PUM3: variants seen among roughly 807,000 people sequenced by gnomAD.
PUM3 encodes pumilio homolog 3.
Under a neutral mutation model 84.0 loss-of-function variants are expected in PUM3, and 91 were observed. The ratio of observed to expected loss-of-function variants is 1.08; its 90% CI spans 0.91 to 1.29. PUM3 has a LOEUF of 1.29. Among genes scored for constraint, PUM3 ranks in the 50% most tolerant of loss-of-function variants. The pLI, the probability that PUM3 is intolerant of heterozygous loss-of-function variation, is 0.00. For missense variants in PUM3, 1,067 were observed against 767.5 expected (o/e 1.39, Z -4.61); for synonymous variants, 321 against 266.7 (o/e 1.20, Z -1.98).
intron 1 of PUM3, among the ~76,000 whole-genome samples, chr9:2,840,271 T>C (rs1187524582): frequency 6.6e-6 from 1 of 152,226 alleles, no homozygotes; most frequent in Non-Finnish European, 1.5e-5. Context: ...TTTCCATCTT[T>C]ATTAGATCCA....
chr9:2,818,547 C>G (rs1262069789), intron 13 of PUM3, among the ~76,000 whole-genome samples: 2 of 152,218 alleles, frequency 1.3e-5, no homozygotes, highest in Non-Finnish European at 2.9e-5. Context: ...ATATCCCAGC[C>G]TGTTTCCATT....
At chr9:2,808,075 T>C (rs2129783663) in intron 16 of PUM3, 171 bp from the exon 17 acceptor site, 2 of 558,566 alleles carry the variant, frequency 3.6e-6, no homozygotes, top group Non-Finnish European at 6.3e-6. Flanking sequence ...GTTTATCTAA[T>C]GCATTTCTAA....
intron 3 of PUM3, among the ~76,000 whole-genome samples, chr9:2,834,686 T>C (rs1485241388): frequency 6.6e-6 from 1 of 152,166 alleles, no homozygotes; most frequent in Admixed American, 6.5e-5. Context: ...AACAAAGCAG[T>C]TGAGCTCTCT....
chr9:2,811,444 C>A lies in PUM3; in HGVS notation c.1552G>T (p.Ala518Ser). Reference protein sequence around the residue: ...CVLVSDILGSATGDVQPTMNA... With the variant: ...CVLVSDILGSSTGDVQPTMNA... ...ATGGTAGGCTGAACGTCTCCAGTGG[C>A]AGATCCCAGAATGTCAGACACCAAC... The change falls in exon 15 of 18, where the codon GCC (alanine) becomes TCC (serine). Residue 518 changes from alanine (A) to serine (S), a missense_variant. Physicochemically the swap from Ala to Ser is moderately conservative, Grantham distance 99. Coordinates refer to ENST00000397885, the MANE Select transcript of PUM3 (RefSeq NM_014878.5). 6.2e-7 allele frequency: 1 copy of A among 1,614,196 alleles called. No homozygotes were observed.
chr9:2,813,263 G>C (rs1176023373), intron 13 of PUM3, among the ~76,000 whole-genome samples: 1 of 152,184 alleles, frequency 6.6e-6, no homozygotes, highest in African/African-American at 2.4e-5. Context: ...TGTTTTCAAA[G>C]ATAGAAAAGT....
chr9:2,834,191 A>G, intron 3 of PUM3, 25 bp from the exon 4 acceptor site: 1 of 1,593,966 alleles, frequency 6.3e-7, no homozygotes, highest in Non-Finnish European at 8.6e-7. Context: ...AATTATTTTC[A>G]ATTACATTTA....
chr9:2,839,396 A>G (rs941702169), intron 1 of PUM3, among the ~76,000 whole-genome samples: 1 of 152,248 alleles, frequency 6.6e-6, no homozygotes, highest in Non-Finnish European at 1.5e-5. Flanking sequence ...ATTTCTCAGG[A>G]TATTACCATA....
At chr9:2,805,803 C>T (rs1431641144) in intron 17 of PUM3, among the ~76,000 whole-genome samples, 2 of 151,620 alleles carry the variant, frequency 1.3e-5, no homozygotes, top group Non-Finnish European at 2.9e-5. Context: ...ATTTTTTTTA[C>T]CACCAAGAAA....
chr9:2,816,544 T>C (rs1298747620), intron 13 of PUM3, among the ~76,000 whole-genome samples: 1 of 152,154 alleles, frequency 6.6e-6, no homozygotes, highest in Non-Finnish European at 1.5e-5. Flanking sequence ...AGAAAACAAA[T>C]GTGAAGATCT....
intron 3 of PUM3, 116 bp downstream of exon 3, chr9:2,837,064 C>T (rs952459705): frequency 1.4e-5 from 12 of 834,614 alleles, no homozygotes; most frequent in African/African-American, 3.4e-5. Context: ...AGCCACCTAC[C>T]TGTCCCAAAA....
chr9:2,840,494 G>A (rs971578896), intron 1 of PUM3, among the ~76,000 whole-genome samples: 1 of 152,102 alleles, frequency 6.6e-6, no homozygotes, highest in Non-Finnish European at 1.5e-5. Context: ...AGCAATTACT[G>A]CATTTAAATG....
chr9:2,826,340 A>G (rs1022626556), intron 10 of PUM3, among the ~76,000 whole-genome samples: 1 of 152,214 alleles, frequency 6.6e-6, no homozygotes, highest in African/African-American at 2.4e-5. Context: ...AAAAATCTCC[A>G]AAACAGAAGG....
intron 16 of PUM3, among the ~76,000 whole-genome samples, chr9:2,809,826 G>T (rs904751054): frequency 6.6e-6 from 1 of 152,164 alleles, no homozygotes; most frequent in African/African-American, 2.4e-5. Flanking sequence ...ACCAGAAAGC[G>T]CCAAAGACTG....
chr9:2,837,041 T>G, intron 3 of PUM3, 139 bp downstream of exon 3: 1 of 696,872 alleles, frequency 1.4e-6, no homozygotes, highest in Non-Finnish European at 2.5e-6. Flanking sequence ...AAAGATGCTT[T>G]GTTGTTTATT....
At chr9:2,820,498 TGAAAAA>T (rs1821566897) in intron 12 of PUM3, among the ~76,000 whole-genome samples, 1 of 151,924 alleles carries the variant, frequency 6.6e-6, no homozygotes, top group South Asian at 2.1e-4. Flanking sequence ...ACTCCAATCA[TGAAAAA>T]GAAAATATAA....
At chr9:2,838,649 G>GACA (rs1816195015) in intron 1 of PUM3, 132 bp from the exon 2 acceptor site, 1 of 584,706 alleles carries the variant, frequency 1.7e-6, no homozygotes, top group South Asian at 2.4e-5. Flanking sequence ...ATATAGAATG[G>GACA]ACAAGTACTT....
chr9:2,837,455 T>A (rs1816158841), intron 2 of PUM3, 54 bp from the exon 3 acceptor site: 3 of 1,190,730 alleles, frequency 2.5e-6, no homozygotes, highest in Non-Finnish European at 3.6e-6. Flanking sequence ...ATCTCTTTTA[T>A]CTATTGGATT....
intron 17 of PUM3, among the ~76,000 whole-genome samples, chr9:2,806,958 C>T (rs900014881): frequency 2.6e-5 from 4 of 152,036 alleles, no homozygotes; most frequent in African/African-American, 4.8e-5. Flanking sequence ...CCTGTAATCC[C>T]AGCACTTTGG....
At chr9:2,806,310 T>C (rs1192374558) in intron 17 of PUM3, among the ~76,000 whole-genome samples, 1 of 152,200 alleles carries the variant, frequency 6.6e-6, no homozygotes, top group African/African-American at 2.4e-5. Flanking sequence ...AACTGGAAAA[T>C]TAACTAATTT....
Sources: allele counts gnomAD v4.1 joint callset (sites outside exome capture counted in the v4.1 genomes callset), GRCh38; gene constraint gnomAD v4.1.1; transcripts MANE v1.5; gene names NCBI Gene and HGNC (gene_info 2026-07-23, HGNC 2026-07-21).